Variants in PACRG observed in about 807,000 individuals in gnomAD.
PACRG encodes the protein parkin coregulated gene protein.
A neutral mutation model predicts 29.7 loss-of-function variants in PACRG; 29 were observed. The observed-to-expected ratio is 0.98, with a 90% CI of 0.73 to 1.33. The LOEUF is 1.33. Ranked by LOEUF, PACRG falls within the 40% of genes most tolerant of loss-of-function variation. PACRG has a pLI of 0.00. For missense variants in PACRG, 279 were observed against 316.2 expected, an observed-to-expected ratio of 0.88 and a Z score of 0.89; for synonymous variants, 116 against 118.7, an observed-to-expected ratio of 0.98 and a Z score of 0.15.
chr6:162,939,686 TG>T (rs1798482878), intron 2 of PACRG, among the ~76,000 whole-genome samples: 1 of 151,580 alleles, frequency 6.6e-6, no homozygotes, highest in African/African-American at 2.4e-5. Flanking sequence ...CGTGTGTGTG[TG>T]TGTGTGTGTG....
intron 2 of PACRG, among the ~76,000 whole-genome samples, chr6:162,865,127 C>G (rs1158438136): frequency 2.0e-5 from 3 of 152,060 alleles, no homozygotes; most frequent in African/African-American, 7.2e-5. Flanking sequence ...CTCAAGAAAC[C>G]TAGGAAAATG....
At chr6:163,131,095 CAGG>C (rs1816715821) in intron 4 of PACRG, among the ~76,000 whole-genome samples, 1 of 152,088 alleles carries the variant, frequency 6.6e-6, no homozygotes, top group Non-Finnish European at 1.5e-5. Context: ...ATCACGAGGT[CAGG>C]AGATCGAGAC....
At chr6:163,110,624 G>A (rs536742400) in intron 4 of PACRG, among the ~76,000 whole-genome samples, 81 of 152,290 alleles carry the variant, frequency 5.3e-4, no homozygotes, top group African/African-American at 1.9e-3. Context: ...AGAGCCCCTT[G>A]TAGAGCCAAA....
At chr6:162,819,471 CAAA>C (rs1184570589) in intron 2 of PACRG, among the ~76,000 whole-genome samples, 2 of 151,940 alleles carry the variant, frequency 1.3e-5, no homozygotes, top group Non-Finnish European at 2.9e-5. Flanking sequence ...AATTGTCTTA[CAAA>C]AAAACTATAA....
upstream of PACRG, chr6:162,727,554 G>A (rs528342807): frequency 1.1e-5 from 14 of 1,242,084 alleles, no homozygotes; most frequent in South Asian, 5.2e-5. Context: ...CTTTGGCCCC[G>A]TCATTGACAG....
intron 3 of PACRG, among the ~76,000 whole-genome samples, chr6:163,064,799 C>T (rs1034322797): frequency 3.3e-5 from 5 of 151,232 alleles, no homozygotes; most frequent in Non-Finnish European, 7.4e-5. Flanking sequence ...TATCCAGGGG[C>T]AAAAATTAAC....
chr6:163,146,604 A>G (rs939573766), intron 4 of PACRG, among the ~76,000 whole-genome samples: 1 of 152,216 alleles, frequency 6.6e-6, no homozygotes, highest in Non-Finnish European at 1.5e-5. Context: ...TCTTGTCACA[A>G]GTAAATAAAA....
chr6:163,244,921 G>T (rs1057482747), intron 4 of PACRG: 1 of 333,754 alleles, frequency 3.0e-6, no homozygotes, highest in Non-Finnish European at 6.0e-6. Context: ...TTAATTCCCC[G>T]TTATGCTTCT....
intron 4 of PACRG, among the ~76,000 whole-genome samples, chr6:163,207,605 A>G (rs1025659022): frequency 2.6e-5 from 4 of 152,074 alleles, no homozygotes; most frequent in African/African-American, 9.7e-5. Flanking sequence ...CTGGCTCATC[A>G]CTACATGATG....
At chr6:163,143,322 C>T (rs1340128760) in intron 4 of PACRG, among the ~76,000 whole-genome samples, 1 of 152,216 alleles carries the variant, frequency 6.6e-6, no homozygotes, top group East Asian at 1.9e-4. Context: ...AAAGGTGTCT[C>T]AGCTTGATGA....
intron 4 of PACRG, among the ~76,000 whole-genome samples, chr6:163,102,001 C>T (rs565475287): frequency 1.3e-5 from 2 of 152,206 alleles, no homozygotes; most frequent in Non-Finnish European, 2.9e-5. Context: ...AAAACAGACA[C>T]TATGCGGCCA....
chr6:162,822,142 G>A (rs949729920), intron 2 of PACRG, among the ~76,000 whole-genome samples: 41 of 152,168 alleles, frequency 2.7e-4, no homozygotes, highest in Non-Finnish European at 4.4e-5. Context: ...TACTGCCACA[G>A]GAATTCTAAT....
At chr6:162,989,659 C>T (rs999447207) in intron 2 of PACRG, among the ~76,000 whole-genome samples, 10 of 151,452 alleles carry the variant, frequency 6.6e-5, no homozygotes, top group Admixed American at 5.3e-4. Flanking sequence ...ATTTTCAATC[C>T]TTGGATTGAA....
chr6:163,289,577 C>T (rs915793211), intron 4 of PACRG, among the ~76,000 whole-genome samples: 5 of 152,142 alleles, frequency 3.3e-5, no homozygotes, highest in Non-Finnish European at 7.3e-5. Flanking sequence ...TCTGCAATGT[C>T]ATTCTATTAA....
In PACRG at chr6:162,763,913, G is replaced by A. The variant is rs186628930; in HGVS notation, c.156+35522G>A. Among the ~76,000 whole-genome samples, 433 of 152,100 alleles carry A rather than the reference G, an allele frequency of 2.8e-3. 1 individual carries two copies. The highest frequency in any genetic ancestry group is 1.0e-2 in the African/African-American group (413 of 41,500). Reference sequence around the variant, plus strand: ...TCCTGGAATGTATTTTTAAAAACTCGACTATCTTCTTGAAGTGAAAATAAA... The same window carrying A: ...TCCTGGAATGTATTTTTAAAAACTCAACTATCTTCTTGAAGTGAAAATAAA... On this transcript the variant is annotated intron_variant, in intron 1 of 4. Transcript: ENST00000366888.
intron 4 of PACRG, among the ~76,000 whole-genome samples, chr6:163,147,314 A>G (rs2128336816): frequency 6.6e-6 from 1 of 152,340 alleles, no homozygotes; most frequent in East Asian, 1.9e-4. Flanking sequence ...GAAAAATGAA[A>G]ATGTAGCATT....
intron 1 of PACRG, among the ~76,000 whole-genome samples, chr6:162,788,701 A>G (rs111270403): frequency 1.1e-3 from 174 of 152,304 alleles, no homozygotes; most frequent in African/African-American, 3.9e-3. Context: ...AATTTTGGCT[A>G]TTTTAATAGA....
intron 2 of PACRG, among the ~76,000 whole-genome samples, chr6:162,951,538 G>A (rs1357907660): frequency 6.6e-6 from 1 of 152,184 alleles, no homozygotes; most frequent in African/African-American, 2.4e-5. Flanking sequence ...CTTCATTGTA[G>A]AAAGGGAGGT....
intron 4 of PACRG, among the ~76,000 whole-genome samples, chr6:163,132,418 AAGG>A (rs1421767468): frequency 6.6e-6 from 1 of 152,224 alleles, no homozygotes; most frequent in African/African-American, 2.4e-5. Flanking sequence ...TGATAAGGTG[AAGG>A]AGAACAAGTT....
Sources: allele counts gnomAD v4.1 joint callset (sites outside exome capture counted in the v4.1 genomes callset), GRCh38; gene constraint gnomAD v4.1.1; transcripts MANE v1.5; gene names NCBI Gene and HGNC (gene_info 2026-07-23, HGNC 2026-07-21).